USP13: variants seen among roughly 807,000 people sequenced by gnomAD.
USP13 encodes the protein ubiquitin carboxyl-terminal hydrolase 13.
A neutral mutation model predicts 107.8 loss-of-function variants in USP13; 68 were observed. The ratio of observed to expected loss-of-function variants is 0.63; its 90% CI spans 0.52 to 0.77. USP13 has a LOEUF of 0.77. Among genes scored for constraint, USP13 ranks in the 30% least tolerant of loss-of-function variants. The pLI is 0.00. For missense variants in USP13, 945 were observed against 1,093.3 expected, an observed-to-expected ratio of 0.86 and a Z score of 1.91; for synonymous variants, 377 against 389.5, an observed-to-expected ratio of 0.97 and a Z score of 0.38.
intron 6 of USP13, among the ~76,000 whole-genome samples, chr3:179,710,766 T>C (rs1712894372): frequency 6.6e-6 from 1 of 152,266 alleles, no homozygotes; most frequent in Non-Finnish European, 1.5e-5. Flanking sequence ...CCAAGCTATA[T>C]GATGTAACCT....
intron 3 of USP13, among the ~76,000 whole-genome samples, chr3:179,694,792 T>C (rs1576930918): frequency 1.3e-5 from 1 of 75,788 alleles, no homozygotes; most frequent in Non-Finnish European, 2.3e-5. Flanking sequence ...AGAGTGAAAC[T>C]CCATCTCAAA....
intron 13 of USP13, among the ~76,000 whole-genome samples, chr3:179,750,976 A>G (rs944089685): frequency 8.5e-5 from 13 of 152,174 alleles, no homozygotes; most frequent in Admixed American, 7.9e-4. Context: ...TTGTTTTCTA[A>G]CAGAAGATGC....
At chr3:179,706,850 A>G (rs1395511887) in intron 4 of USP13, 84 bp from the exon 5 acceptor site, 2 of 1,446,260 alleles carry the variant, frequency 1.4e-6, no homozygotes, top group Non-Finnish European at 9.3e-7. Flanking sequence ...TTTTAAATTC[A>G]TATTCTAGTG....
At chr3:179,772,734 T>C (rs545772395) in intron 19 of USP13, among the ~76,000 whole-genome samples, 1 of 152,362 alleles carries the variant, frequency 6.6e-6, no homozygotes, top group Admixed American at 6.5e-5. Context: ...CACTGAAGGA[T>C]AAATGATGGA....
chr3:179,734,326 A>G (rs541997102), intron 10 of USP13, among the ~76,000 whole-genome samples: 2 of 152,358 alleles, frequency 1.3e-5, no homozygotes, highest in African/African-American at 4.8e-5. Flanking sequence ...TTTCTTCAAA[A>G]AATATTTTCT....
chr3:179,682,023 A>G lies in USP13; in HGVS notation c.294+20A>G. 1.2e-6 allele frequency: 2 copies of G among 1,608,730 alleles called. No homozygotes were observed. Among genetic ancestry groups the G allele is most frequent in the East Asian group, 2.2e-5 (1 of 44,730 alleles). ...CGAGAGGTGAGAGCGGCACTTTCAGAGAACTGGCCTTGATGTCTTCCCTGT... is the reference window on the plus strand; with the variant it reads ...CGAGAGGTGAGAGCGGCACTTTCAGGGAACTGGCCTTGATGTCTTCCCTGT... On this transcript the variant is annotated intron_variant, in intron 2 of 20. Transcript: ENST00000263966.
In USP13 at chr3:179,784,810, G is replaced by A. The variant is rs994429779; in HGVS notation, c.*669G>A. On this transcript the variant is annotated 3_prime_UTR_variant, in exon 21 of 21. Coordinates refer to ENST00000263966, the MANE Select transcript of USP13 (RefSeq NM_003940.3). ...GAGTCCACTAGAAAATCTGTGACAA[G>A]TTGGTTTTTAAAGTCTGAACAGTTG... is the stretch of plus-strand genomic sequence containing the variant. The A allele has an allele frequency of 5.9e-5, 9 of 152,220 alleles. No individual in the cohort carries two copies. The highest frequency in any genetic ancestry group is 1.7e-4 in the African/African-American group (7 of 41,460). 9.4% of individuals were successfully genotyped at this position (152,220 alleles called of 1,614,324 possible). A position where few individuals can be genotyped will look rare whatever the true frequency, so the allele number is the denominator to read the frequency against.
At chr3:179,668,173 TA>T (rs1413697183) in intron 1 of USP13, among the ~76,000 whole-genome samples, 2 of 152,178 alleles carry the variant, frequency 1.3e-5, no homozygotes, top group African/African-American at 2.4e-5. Flanking sequence ...TATTTATTTA[TA>T]TTTTTTTTAG....
At chr3:179,685,253 T>C (rs1711830086) in intron 2 of USP13, among the ~76,000 whole-genome samples, 1 of 152,134 alleles carries the variant, frequency 6.6e-6, no homozygotes, top group African/African-American at 2.4e-5. Context: ...TGATGGTATT[T>C]GGAAATATTG....
chr3:179,778,441 A>T (rs1348199569), intron 19 of USP13, among the ~76,000 whole-genome samples: 1 of 152,206 alleles, frequency 6.6e-6, no homozygotes, highest in Non-Finnish European at 1.5e-5. Flanking sequence ...GTAAAAGCTG[A>T]TAGACAATAA....
intron 19 of USP13, among the ~76,000 whole-genome samples, chr3:179,769,054 G>T (rs1715268094): frequency 6.6e-6 from 1 of 152,078 alleles, no homozygotes; most frequent in African/African-American, 2.4e-5. Context: ...ATATTCTCTA[G>T]ACCTTTTTAG....
At chr3:179,754,934 T>A in intron 15 of USP13, 80 bp downstream of exon 15, 1 of 1,484,202 alleles carries the variant, frequency 6.7e-7, no homozygotes. Context: ...CACCACTGTG[T>A]TGCTGCTACC....
At chr3:179,687,015 C>T (rs2108459531) in intron 2 of USP13, among the ~76,000 whole-genome samples, 1 of 152,314 alleles carries the variant, frequency 6.6e-6, no homozygotes, top group South Asian at 2.1e-4. Context: ...CAGAAGGATA[C>T]TTTTCTTCAT....
intron 1 of USP13, among the ~76,000 whole-genome samples, chr3:179,662,316 C>T (rs922254392): frequency 2.0e-5 from 3 of 152,134 alleles, no homozygotes; most frequent in Non-Finnish European, 4.4e-5. Context: ...GTTTGGGGCT[C>T]TGACGGCTAC....
At chr3:179,665,251 C>T (rs79166397) in intron 1 of USP13, among the ~76,000 whole-genome samples, 5,290 of 152,166 alleles carry the variant, frequency 0.035, 138 homozygotes, top group South Asian at 0.055. Flanking sequence ...GGATCTCTAT[C>T]GTAGTGGAGT....
intron 6 of USP13, among the ~76,000 whole-genome samples, chr3:179,710,927 A>T (rs1327807180): frequency 6.6e-6 from 1 of 152,220 alleles, no homozygotes; most frequent in Non-Finnish European, 1.5e-5. Flanking sequence ...TCACCTGTAC[A>T]GGGCACTTAC....
At chr3:179,763,289 G>A (rs1389981045) in intron 17 of USP13, among the ~76,000 whole-genome samples, 6 of 151,714 alleles carry the variant, frequency 4.0e-5, no homozygotes, top group Non-Finnish European at 8.8e-5. Flanking sequence ...AGAAACCATT[G>A]CCTAATCCAA....
chr3:179,700,897 C>G, intron 3 of USP13, 111 bp from the exon 4 acceptor site: 1 of 1,317,416 alleles, frequency 7.6e-7, no homozygotes, highest in Non-Finnish European at 1.0e-6. Context: ...AAATGTCACA[C>G]CCTTGGTATT....
chr3:179,684,435 C>G (rs1224678532), intron 2 of USP13, among the ~76,000 whole-genome samples: 2 of 152,170 alleles, frequency 1.3e-5, no homozygotes, highest in Non-Finnish European at 2.9e-5. Context: ...CTCAGCCCCC[C>G]AAGTAGCTGA....
Sources: allele counts gnomAD v4.1 joint callset (sites outside exome capture counted in the v4.1 genomes callset), GRCh38; gene constraint gnomAD v4.1.1; transcripts MANE v1.5; gene names NCBI Gene and HGNC (gene_info 2026-07-23, HGNC 2026-07-21).